RNLS: variants seen among roughly 807,000 people sequenced by gnomAD.
The protein encoded by RNLS is renalase, FAD dependent amine oxidase.
Under a neutral mutation model 39.8 loss-of-function variants are expected in RNLS, and 39 were observed. The ratio of observed to expected loss-of-function variants is 0.98; its 90% CI spans 0.76 to 1.28. The LOEUF is 1.28. Among genes scored for constraint, RNLS ranks in the 50% most tolerant of loss-of-function variants. The probability of loss-of-function intolerance (pLI) is 0.00; values close to 1 mark genes in which losing one functional copy is unlikely to be tolerated. For missense variants in RNLS, 410 were observed against 413.3 expected (o/e 0.99, Z 0.07); for synonymous variants, 147 against 150.7 (o/e 0.98, Z 0.18).
At chr10:88,531,094 T>C (rs2134240510) in intron 4 of RNLS, among the ~76,000 whole-genome samples, 1 of 152,280 alleles carries the variant, frequency 6.6e-6, no homozygotes, top group South Asian at 2.1e-4. Context: ...GTAAATGTTC[T>C]CAGTGAATGT....
the RNLS span, among the ~76,000 whole-genome samples, chr10:88,224,495 A>T: frequency 6.6e-6 from 1 of 152,176 alleles, no homozygotes; most frequent in African/African-American, 2.4e-5. Context: ...ATCTGATGGG[A>T]CTTCTTTGCC....
chr10:88,470,316 T>A lies in RNLS; in HGVS notation c.526+102587A>T, dbSNP rs998356702. Among the ~76,000 whole-genome samples, 4 of 152,144 alleles carry A rather than the reference T, an allele frequency of 2.6e-5. No individual in the cohort carries two copies. The East Asian group carries it at 7.7e-4, about 29-fold the overall frequency. On this transcript the variant is annotated intron_variant, in intron 4 of 6. Coordinates refer to ENST00000331772, the MANE Select transcript of RNLS (RefSeq NM_001031709.3). ...CGATAGGTAGACACATGAACACATA[T>A]GTCCATCACAGCACTATTCGCAATA...
intron 4 of RNLS, among the ~76,000 whole-genome samples, chr10:88,505,832 G>T (rs1383064539): frequency 6.6e-6 from 1 of 152,130 alleles, no homozygotes; most frequent in African/African-American, 2.4e-5. Flanking sequence ...GCCACCATGT[G>T]TCCTTGATGT....
At chr10:88,363,284 C>T (rs902174765) in intron 4 of RNLS, among the ~76,000 whole-genome samples, 1 of 151,998 alleles carries the variant, frequency 6.6e-6, no homozygotes, top group Non-Finnish European at 1.5e-5. Context: ...GGATGAAGAG[C>T]TAATGGATGC....
At chr10:88,428,461 A>G (rs1393661536) in intron 4 of RNLS, among the ~76,000 whole-genome samples, 1 of 152,012 alleles carries the variant, frequency 6.6e-6, no homozygotes, top group East Asian at 1.9e-4. Flanking sequence ...AACTGTGTCT[A>G]AGAGCACAAC....
chr10:88,231,441 T>C, the RNLS span, among the ~76,000 whole-genome samples: 1 of 152,232 alleles, frequency 6.6e-6, no homozygotes. Context: ...CTGTTGTTTA[T>C]GCCACCAGTG....
chr10:88,575,609 A>G (rs937051782), intron 3 of RNLS, among the ~76,000 whole-genome samples: 1 of 152,014 alleles, frequency 6.6e-6, no homozygotes, highest in Non-Finnish European at 1.5e-5. Context: ...CTTGGAGCAA[A>G]GTTTTTGGGA....
intron 4 of RNLS, among the ~76,000 whole-genome samples, chr10:88,389,628 A>C (rs189917520): frequency 1.9e-3 from 281 of 151,702 alleles, no homozygotes; most frequent in Non-Finnish European, 2.8e-3. Context: ...TTGAAAGTGA[A>C]GTTTACCATG....
chr10:88,273,457 T>C (rs929039599), downstream of RNLS, among the ~76,000 whole-genome samples: 8 of 152,340 alleles, frequency 5.3e-5, no homozygotes, highest in African/African-American at 1.7e-4. Flanking sequence ...TATTGTGGGT[T>C]TTCTCTTAAC....
chr10:88,574,911 C>A (rs1393427147), intron 3 of RNLS, among the ~76,000 whole-genome samples: 1 of 151,842 alleles, frequency 6.6e-6, no homozygotes, highest in Non-Finnish European at 1.5e-5. Flanking sequence ...CCCTACTTGC[C>A]TCACTTAGTC....
At chr10:88,307,642 A>C (rs1845023795) in intron 6 of RNLS, among the ~76,000 whole-genome samples, 1 of 152,220 alleles carries the variant, frequency 6.6e-6, no homozygotes, top group South Asian at 2.1e-4. Flanking sequence ...GATCTCTTCA[A>C]GGAGAACTAC....
chr10:88,471,603 T>C (rs568425471), intron 4 of RNLS, among the ~76,000 whole-genome samples: 186 of 152,198 alleles, frequency 1.2e-3, no homozygotes, highest in Non-Finnish European at 2.0e-3. Context: ...TCAGGCTTGA[T>C]GATTCATGAG....
intron 4 of RNLS, among the ~76,000 whole-genome samples, chr10:88,393,015 T>A (rs1356664746): frequency 6.6e-6 from 1 of 152,140 alleles, no homozygotes; most frequent in Non-Finnish European, 1.5e-5. Flanking sequence ...AAACTCTCAA[T>A]AAATTAGGTA....
chr10:88,515,220 T>C (rs1461991684), intron 4 of RNLS, among the ~76,000 whole-genome samples: 1 of 152,074 alleles, frequency 6.6e-6, no homozygotes, highest in Non-Finnish European at 1.5e-5. Flanking sequence ...TTGATTTTAA[T>C]ATGACTTATT....
chr10:88,415,204 C>T (rs1853942359), intron 4 of RNLS, among the ~76,000 whole-genome samples: 1 of 152,152 alleles, frequency 6.6e-6, no homozygotes, highest in African/African-American at 2.4e-5. Context: ...TTGTGGAATG[C>T]TAAAATATTT....
Position 88,487,878 on chromosome 10 carries a change from T to C in RNLS, c.526+85025A>G, listed in dbSNP as rs149546716. On this transcript the variant is annotated intron_variant, in intron 4 of 6. Transcript: ENST00000331772. ...CACAGTTGTATATCCATAAAAGGGA[T>C]ACTAATCAGCAATAAAAAGGAATGA... Among the ~76,000 whole-genome samples the C allele has an allele frequency of 4.2e-3, 637 of 152,272 alleles. 3 individuals carry two copies. The highest frequency in any genetic ancestry group is 0.015 in the African/African-American group (608 of 41,558).
At chr10:88,463,474 A>C (rs1169032006) in intron 4 of RNLS, among the ~76,000 whole-genome samples, 1 of 152,000 alleles carries the variant, frequency 6.6e-6, no homozygotes. Context: ...TGAAACAATA[A>C]ATTTCTATTG....
intron 4 of RNLS, 136 bp from the exon 5 acceptor site, chr10:88,362,861 T>C (rs999432339): frequency 2.9e-6 from 2 of 697,930 alleles, no homozygotes; most frequent in African/African-American, 1.8e-5. Context: ...TTTTGAAAGG[T>C]AATGTAAAAT....
chr10:88,268,316 C>T, the RNLS span, among the ~76,000 whole-genome samples: 75 of 152,292 alleles, frequency 4.9e-4, no homozygotes, highest in Non-Finnish European at 7.9e-4. Flanking sequence ...TTCCCCACTT[C>T]CCAGTCATTG....
Sources: gnomAD v4.1 joint callset for allele counts (sites outside exome capture counted in the v4.1 genomes callset) on GRCh38, gnomAD v4.1.1 for gene constraint, MANE v1.5 for transcripts, NCBI Gene and HGNC (gene_info 2026-07-23, HGNC 2026-07-21) for gene names.